Variants in ATP6V0E1 observed in about 807,000 individuals in gnomAD.
The protein encoded by ATP6V0E1 is ATPase H+ transporting V0 subunit e1.
A neutral mutation model predicts 11.6 loss-of-function variants in ATP6V0E1; 4 were observed. That is an observed-to-expected ratio of 0.35 (90% CI 0.17 to 0.79). ATP6V0E1 has a LOEUF of 0.79. ATP6V0E1 is among the 30% of genes least tolerant of loss of function. The pLI is 0.54. For synonymous variants in ATP6V0E1, 36 were observed against 34.8 expected, an observed-to-expected ratio of 1.04 and a Z score of -0.13; for missense variants, 105 against 100.0, an observed-to-expected ratio of 1.05 and a Z score of -0.21.
At chr5:172,995,099 ATTTAC>A (rs1261654016) in intron 2 of ATP6V0E1, among the ~76,000 whole-genome samples, 1 of 152,120 alleles carries the variant, frequency 6.6e-6, no homozygotes, top group African/African-American at 2.4e-5. Context: ...ATGGTGAAGT[ATTTAC>A]TTATTTATTT....
At chr5:173,000,434 A>C (rs531803829) in intron 2 of ATP6V0E1, among the ~76,000 whole-genome samples, 1 of 152,326 alleles carries the variant, frequency 6.6e-6, no homozygotes, top group South Asian at 2.1e-4. Flanking sequence ...CCAAGCTCAC[A>C]TGAAATTAGA....
At chr5:173,017,475 A>G (rs1270974994) in intron 2 of ATP6V0E1, among the ~76,000 whole-genome samples, 2 of 148,526 alleles carry the variant, frequency 1.3e-5, no homozygotes, top group African/African-American at 2.5e-5. Flanking sequence ...CAGAGGTTGC[A>G]GTGAGCCGAG....
intron 2 of ATP6V0E1, among the ~76,000 whole-genome samples, chr5:173,014,523 G>A (rs574030837): frequency 6.6e-6 from 1 of 152,228 alleles, no homozygotes; most frequent in Non-Finnish European, 1.5e-5. Context: ...GTACACTACG[G>A]AATAGTATTC....
chr5:172,991,034 G>T (rs1477440137), intron 1 of ATP6V0E1, among the ~76,000 whole-genome samples: 5 of 151,948 alleles, frequency 3.3e-5, no homozygotes, highest in African/African-American at 1.2e-4. Flanking sequence ...TCTCACTACA[G>T]CCTTGATATC....
At chr5:173,024,803 T>C (rs1338604438) in intron 3 of ATP6V0E1, among the ~76,000 whole-genome samples, 1 of 151,896 alleles carries the variant, frequency 6.6e-6, no homozygotes. Flanking sequence ...TCTTCAAATA[T>C]AACATTACAG....
chr5:172,992,910 G>A (rs9968685), intron 1 of ATP6V0E1, among the ~76,000 whole-genome samples: 1 of 152,144 alleles, frequency 6.6e-6, no homozygotes. Context: ...TGATTCTTCT[G>A]CCTCAGCCTC....
chr5:172,985,463 G>A (rs1755883738), intron 1 of ATP6V0E1, among the ~76,000 whole-genome samples: 1 of 152,106 alleles, frequency 6.6e-6, no homozygotes, highest in African/African-American at 2.4e-5. Context: ...ACCTATAGAG[G>A]TTGATGGACA....
intron 2 of ATP6V0E1, 123 bp downstream of exon 2, chr5:172,994,945 T>C (rs545355668): frequency 1.1e-5 from 8 of 717,832 alleles, no homozygotes; most frequent in African/African-American, 8.9e-5. Context: ...ATTGAAAATA[T>C]CACACTTTTC....
At chr5:173,026,973 G>A (rs1297844794) in intron 3 of ATP6V0E1, among the ~76,000 whole-genome samples, 1 of 151,416 alleles carries the variant, frequency 6.6e-6, no homozygotes, top group Non-Finnish European at 1.5e-5. Context: ...TCAGGAGATC[G>A]AGACCATCCT....
rs1300949690 is a variant in ATP6V0E1 at position 173,034,363 on chromosome 5, A to G, written c.*37-36A>G. On this transcript the variant is annotated intron_variant, in intron 3 of 3. Coordinates refer to ENST00000519374, the MANE Select transcript of ATP6V0E1 (RefSeq NM_003945.4). ...AACTTTTTGCCTTCCTGAGGAATGTATGAGGACCAGTTACCAGAATGGTTT... is the reference window on the plus strand; with the variant it reads ...AACTTTTTGCCTTCCTGAGGAATGTGTGAGGACCAGTTACCAGAATGGTTT... The G allele has an allele frequency of 5.7e-6, 4 of 702,818 alleles. No homozygotes were observed. In the Admixed American group the frequency reaches 6.0e-5, roughly 11 times the overall value. The allele number at this position is 702,818 out of a possible 1,614,324, so 43.5% of individuals were successfully genotyped here. A position where few individuals can be genotyped will look rare whatever the true frequency, so the allele number is the denominator to read the frequency against.
intron 2 of ATP6V0E1, among the ~76,000 whole-genome samples, chr5:173,005,848 T>G (rs1369828076): frequency 6.6e-6 from 1 of 152,256 alleles, no homozygotes; most frequent in Admixed American, 6.5e-5. Context: ...TTGTAATTTC[T>G]TAGACCAATT....
In ATP6V0E1 at chr5:172,994,775, A is replaced by G; in HGVS notation, c.105A>G (p.Gly35=). ...PWFIPKGPNR[G]VIITMLVTCS... is the part of the protein sequence containing the mutation. The stretch of plus-strand genomic sequence containing the variant: ...CATTTGCATTTTTTTTTTTTTTTAG[A>G]GTTATCATTACCATGTTGGTGACCT... Residue 35 remains glycine, a splice_region_variant and synonymous_variant, in exon 2 of 4, where the codon GGA becomes GGG. Coordinates refer to ENST00000519374, the MANE Select transcript of ATP6V0E1 (RefSeq NM_003945.4). 2 of 1,557,882 alleles carry G rather than the reference A, an allele frequency of 1.3e-6. No homozygotes were observed. Among genetic ancestry groups the G allele is most frequent in the Non-Finnish European group, 8.7e-7 (1 of 1,152,776 alleles).
intron 2 of ATP6V0E1, among the ~76,000 whole-genome samples, chr5:173,017,184 A>G (rs1756412425): frequency 1.3e-5 from 2 of 152,200 alleles, no homozygotes; most frequent in African/African-American, 4.8e-5. Context: ...AGGGAAATTT[A>G]AAGTCCTGAA....
intron 1 of ATP6V0E1, among the ~76,000 whole-genome samples, chr5:172,993,800 G>A (rs943661967): frequency 6.6e-6 from 1 of 151,798 alleles, no homozygotes; most frequent in Non-Finnish European, 1.5e-5. Flanking sequence ...GAGCCGAGGA[G>A]TTGGAGGTTA....
chr5:173,025,942 T>C (rs1352825331), intron 3 of ATP6V0E1, among the ~76,000 whole-genome samples: 1 of 152,148 alleles, frequency 6.6e-6, no homozygotes, highest in Non-Finnish European at 1.5e-5. Context: ...AAGGATCTCT[T>C]GAGCCCAGAG....
intron 3 of ATP6V0E1, among the ~76,000 whole-genome samples, chr5:173,023,673 T>C (rs1198209903): frequency 6.6e-6 from 1 of 152,082 alleles, no homozygotes; most frequent in Non-Finnish European, 1.5e-5. Context: ...TGTGAAACCT[T>C]GTCTCTACAA....
intron 3 of ATP6V0E1, 37 bp downstream of exon 3, chr5:173,020,404 A>C: frequency 7.8e-6 from 10 of 1,280,794 alleles, no homozygotes; most frequent in Non-Finnish European, 1.1e-5. Context: ...CAGTATGGTC[A>C]GGCAGTCAGA....
chr5:173,024,504 G>T (rs916224701), intron 3 of ATP6V0E1, among the ~76,000 whole-genome samples: 4 of 151,800 alleles, frequency 2.6e-5, no homozygotes, highest in Non-Finnish European at 5.9e-5. Flanking sequence ...AAATGTCCAG[G>T]CCCCTCTTCT....
intron 3 of ATP6V0E1, among the ~76,000 whole-genome samples, chr5:173,025,735 C>T (rs938666080): frequency 2.6e-5 from 4 of 151,580 alleles, no homozygotes; most frequent in South Asian, 2.1e-4. Context: ...TGAGCTCAAG[C>T]GATCCAACTG....
Sources: gnomAD v4.1 joint callset for allele counts (sites outside exome capture counted in the v4.1 genomes callset) on GRCh38, gnomAD v4.1.1 for gene constraint, MANE v1.5 for transcripts, NCBI Gene and HGNC (gene_info 2026-07-23, HGNC 2026-07-21) for gene names.